The following RORA variants were observed in gnomAD, a reference collection of about 807,000 sequenced individuals.
RORA encodes the protein RAR related orphan receptor A, also known as nuclear receptor ROR-alpha.
A neutral mutation model predicts 69.5 loss-of-function variants in RORA; 7 were observed. That is an observed-to-expected ratio of 0.10 (90% CI 0.06 to 0.19). RORA has a LOEUF of 0.19. Ranked by LOEUF, RORA falls within the 10% of genes least tolerant of loss-of-function variation. RORA has a pLI of 1.00. For synonymous variants in RORA, 261 were observed against 240.8 expected (o/e 1.08, Z -0.78); for missense variants, 457 against 663.0 (o/e 0.69, Z 3.41).
intron 1 of RORA, among the ~76,000 whole-genome samples, chr15:61,150,837 C>CCTGAT (rs765763137): frequency 2.6e-5 from 4 of 152,164 alleles, no homozygotes; most frequent in Non-Finnish European, 5.9e-5. Context: ...ATTGCCATTT[C>CCTGAT]TCTACTTATC....
intron 1 of RORA, among the ~76,000 whole-genome samples, chr15:60,980,867 A>C (rs1248776091): frequency 1.3e-5 from 2 of 151,898 alleles, no homozygotes; most frequent in East Asian, 3.8e-4. Flanking sequence ...TATTCCATTG[A>C]TCACAACTCT....
At chr15:60,872,806 CT>C (rs146189231) in intron 1 of RORA, among the ~76,000 whole-genome samples, 10,037 of 152,178 alleles carry the variant, frequency 0.066, 466 homozygotes, top group Non-Finnish European at 0.1. Context: ...ATCTGCCCCC[CT>C]GGCTCATCTC....
intron 1 of RORA, among the ~76,000 whole-genome samples, chr15:61,183,524 A>C (rs2079709000): frequency 7.7e-6 from 1 of 129,718 alleles, no homozygotes; most frequent in Non-Finnish European, 1.7e-5. Context: ...AACAAGAGTG[A>C]GACTGTTTCA....
intron 1 of RORA, among the ~76,000 whole-genome samples, chr15:60,789,951 T>G (rs1414025852): frequency 6.6e-6 from 1 of 152,230 alleles, no homozygotes; most frequent in Non-Finnish European, 1.5e-5. Flanking sequence ...GGGAAGGATA[T>G]TCTCCTCTAA....
intron 1 of RORA, among the ~76,000 whole-genome samples, chr15:61,203,705 C>A (rs1412803547): frequency 6.6e-6 from 1 of 152,162 alleles, no homozygotes; most frequent in Non-Finnish European, 1.5e-5. Context: ...AATGAACAAG[C>A]ACAAGTCTTG....
At position 60,579,301 on chromosome 15, in the gene RORA, G is replaced by A. The variant is rs149948152; in HGVS notation, c.197-47450C>T. ...GCTTCTGAGAGGGCCTTGGGGCCCC[G>A]CAGGGGGTCCCTGGATCACACATTG... On this transcript the variant is annotated intron_variant, in intron 2 of 10. Coordinates refer to ENST00000335670, the MANE Select transcript of RORA (RefSeq NM_134261.3). 7.9e-5 allele frequency among the ~76,000 whole-genome samples: 12 copies of A among 152,234 alleles called. No homozygotes were observed. In the East Asian group the frequency reaches 1.2e-3, roughly 15 times the overall value.
At chr15:60,618,814 G>T (rs2069325838) in intron 2 of RORA, among the ~76,000 whole-genome samples, 1 of 152,042 alleles carries the variant, frequency 6.6e-6, no homozygotes, top group African/African-American at 2.4e-5. Context: ...AACTTTTCCT[G>T]CCTTGCCATT....
chr15:60,990,156 CTT>C, intron 1 of RORA, among the ~76,000 whole-genome samples: 1 of 152,244 alleles, frequency 6.6e-6, no homozygotes, highest in South Asian at 2.1e-4. Context: ...TCAAATATAA[CTT>C]TTATTTTTAA....
intron 1 of RORA, among the ~76,000 whole-genome samples, chr15:61,218,087 A>G (rs1389415344): frequency 6.6e-6 from 1 of 152,056 alleles, no homozygotes; most frequent in African/African-American, 2.4e-5. Flanking sequence ...CATGAAACCA[A>G]TGTGGTGGCT....
intron 2 of RORA, among the ~76,000 whole-genome samples, chr15:60,607,257 A>C (rs1238106153): frequency 6.6e-6 from 1 of 152,158 alleles, no homozygotes; most frequent in Non-Finnish European, 1.5e-5. Flanking sequence ...ACACCATAAT[A>C]ATTAATGGTT....
chr15:60,852,237 G>T (rs2140415476), intron 1 of RORA, among the ~76,000 whole-genome samples: 1 of 152,312 alleles, frequency 6.6e-6, no homozygotes, highest in African/African-American at 2.4e-5. Context: ...GGTGACACAA[G>T]GGTAAGGTAG....
At chr15:60,841,488 C>T (rs1031476430) in intron 1 of RORA, among the ~76,000 whole-genome samples, 1 of 152,188 alleles carries the variant, frequency 6.6e-6, no homozygotes, top group Non-Finnish European at 1.5e-5. Flanking sequence ...CTCTCTCTCT[C>T]CTTTCTTGGG....
intron 1 of RORA, among the ~76,000 whole-genome samples, chr15:60,812,404 G>C (rs1379493092): frequency 6.6e-6 from 1 of 152,144 alleles, no homozygotes; most frequent in Non-Finnish European, 1.5e-5. Flanking sequence ...TAGCTACTGA[G>C]GAGGCTGAGG....
At chr15:60,518,223 T>C (rs983659392) in intron 3 of RORA, among the ~76,000 whole-genome samples, 1 of 152,242 alleles carries the variant, frequency 6.6e-6, no homozygotes, top group Non-Finnish European at 1.5e-5. Flanking sequence ...TCTTGAATAA[T>C]GGTTGGGTCA....
intron 1 of RORA, among the ~76,000 whole-genome samples, chr15:60,702,047 G>A (rs1233292287): frequency 1.3e-5 from 2 of 152,204 alleles, no homozygotes; most frequent in African/African-American, 4.8e-5. Flanking sequence ...CTTTCTGAGA[G>A]AGGTAGTTTA....
chr15:60,901,406 A>C (rs1891388371), intron 1 of RORA, among the ~76,000 whole-genome samples: 1 of 152,206 alleles, frequency 6.6e-6, no homozygotes, highest in Non-Finnish European at 1.5e-5. Context: ...TCCTGACCTC[A>C]GGTGATCTGC....
chr15:60,519,160 G>A (rs1003685153), intron 3 of RORA, among the ~76,000 whole-genome samples: 1 of 152,016 alleles, frequency 6.6e-6, no homozygotes, highest in African/African-American at 2.4e-5. Context: ...GGCTAAGGGG[G>A]GACTACTGTG....
At chr15:61,228,968 C>T (rs2080174693) in intron 1 of RORA, 85 bp downstream of exon 1, 1 of 625,430 alleles carries the variant, frequency 1.6e-6, no homozygotes, top group Non-Finnish European at 2.0e-6. Context: ...CCGGACCCCG[C>T]GCCCCGGGCG....
At chr15:60,815,115 G>A (rs76295606) in intron 1 of RORA, among the ~76,000 whole-genome samples, 1,842 of 152,200 alleles carry the variant, frequency 0.012, 41 homozygotes, top group African/African-American at 0.043. Flanking sequence ...CTATAAAAAC[G>A]AGTCTAATGA....
Sources: gnomAD v4.1 joint callset for allele counts (sites outside exome capture counted in the v4.1 genomes callset) on GRCh38, gnomAD v4.1.1 for gene constraint, MANE v1.5 for transcripts, NCBI Gene and HGNC (gene_info 2026-07-23, HGNC 2026-07-21) for gene names.